The following ICA1 variants were observed in gnomAD, a reference collection of about 807,000 sequenced individuals.
The protein encoded by ICA1 is 69 kDa islet cell autoantigen.
In ICA1, 40 loss-of-function variants were observed where a neutral mutation model predicts 71.0. The observed-to-expected ratio is 0.56, with a 90% CI of 0.44 to 0.73. The LOEUF (loss-of-function observed/expected upper bound fraction) is 0.73. ICA1 is among the 30% of genes least tolerant of loss of function. The pLI is 0.00. For missense variants in ICA1, 578 were observed against 576.5 expected, an observed-to-expected ratio of 1.00 and a Z score of -0.03; for synonymous variants, 207 against 209.5, an observed-to-expected ratio of 0.99 and a Z score of 0.10.
chr7:8,210,590 G>C (rs1793351254), intron 6 of ICA1, among the ~76,000 whole-genome samples: 1 of 151,300 alleles, frequency 6.6e-6, no homozygotes, highest in Non-Finnish European at 1.5e-5. Context: ...GCAAAATTAT[G>C]CTCAAAAGAC....
intron 1 of ICA1, among the ~76,000 whole-genome samples, chr7:8,260,406 C>T (rs1033004196): frequency 2.6e-5 from 4 of 152,172 alleles, no homozygotes; most frequent in African/African-American, 9.7e-5. Context: ...ACAAAATAAA[C>T]CACCCAGGCA....
rs768368359 is a variant in ICA1, at chr7:8,235,970, A to G, written c.-44T>C. The G allele has an allele frequency of 5.6e-6, 9 of 1,602,310 alleles. No individual in the cohort carries two copies. In the Admixed American group the frequency reaches 1.0e-4, roughly 18 times the overall value. On this transcript the variant is annotated 5_prime_UTR_variant, in exon 2 of 14. Coordinates refer to ENST00000402384, the MANE Select transcript of ICA1 (RefSeq NM_001136020.3). ...TGTTGATGATTTGGGGAGAAGGGGC[A>G]GGAAAAAAGCATGAGAGGATAAGTT...
intron 1 of ICA1, among the ~76,000 whole-genome samples, chr7:8,255,939 A>G (rs866123996): frequency 6.6e-6 from 1 of 151,728 alleles, no homozygotes; most frequent in Non-Finnish European, 1.5e-5. Flanking sequence ...ACACCCAGCT[A>G]ATTTTTTAAA....
At chr7:8,212,042 C>T (rs1162387469) in intron 6 of ICA1, among the ~76,000 whole-genome samples, 3 of 152,226 alleles carry the variant, frequency 2.0e-5, no homozygotes, top group South Asian at 4.1e-4. Context: ...TTTGTAAATA[C>T]CAAAGGCTCC....
chr7:8,149,116 C>A (rs943031106), intron 8 of ICA1, among the ~76,000 whole-genome samples: 2 of 152,162 alleles, frequency 1.3e-5, no homozygotes, highest in African/African-American at 4.8e-5. Context: ...ATCTAAGAGG[C>A]CTCTCTGACT....
chr7:8,121,662 A>T (rs986187110), intron 13 of ICA1, among the ~76,000 whole-genome samples: 1 of 152,178 alleles, frequency 6.6e-6, no homozygotes, highest in African/African-American at 2.4e-5. Flanking sequence ...ATATAGTTAG[A>T]TAGAATAAGT....
intron 6 of ICA1, among the ~76,000 whole-genome samples, chr7:8,185,297 T>C (rs1023004450): frequency 6.6e-6 from 1 of 152,234 alleles, no homozygotes; most frequent in Non-Finnish European, 1.5e-5. Context: ...AGCAGACTTA[T>C]GAAACTTTAA....
At chr7:8,236,763 C>G (rs1441564171) in intron 1 of ICA1, 1 of 152,432 alleles carries the variant, frequency 6.6e-6, no homozygotes, top group East Asian at 1.9e-4. Context: ...CTCATGGAAG[C>G]TAGCCCACCC....
chr7:8,224,056 G>A (rs1362470634), intron 4 of ICA1, among the ~76,000 whole-genome samples: 1 of 152,230 alleles, frequency 6.6e-6, no homozygotes, highest in Non-Finnish European at 1.5e-5. Context: ...CACACTTACA[G>A]AGCTTATATT....
At chr7:8,257,399 T>C (rs542999452) in intron 1 of ICA1, among the ~76,000 whole-genome samples, 1 of 152,338 alleles carries the variant, frequency 6.6e-6, no homozygotes, top group East Asian at 1.9e-4. Context: ...AGTGTGATCA[T>C]GATGATGGTA....
intron 1 of ICA1, among the ~76,000 whole-genome samples, chr7:8,246,260 T>G (rs1805971777): frequency 1.3e-5 from 2 of 152,344 alleles, no homozygotes; most frequent in South Asian, 4.1e-4. Flanking sequence ...TGTTTCACAG[T>G]TAAACTGTTT....
intron 6 of ICA1, among the ~76,000 whole-genome samples, chr7:8,180,837 C>CTT (rs571384468): frequency 4.2e-5 from 6 of 143,778 alleles, no homozygotes; most frequent in Admixed American, 2.1e-4. Context: ...GTCTCTCTCT[C>CTT]TTTTTTTTTT....
At chr7:8,191,853 T>C (rs557568148) in intron 6 of ICA1, among the ~76,000 whole-genome samples, 1 of 152,244 alleles carries the variant, frequency 6.6e-6, no homozygotes, top group Admixed American at 6.5e-5. Flanking sequence ...GTATTAAAAT[T>C]CAAATCACAA....
rs189631416 is a variant in ICA1, at chr7:8,203,314, T to A, written c.579+14991A>T. ...TCCAGTGGTTTAAGTGACTTTTCCA[T>A]GTAGGTAAAGCATATTCTATTAAAA... is the stretch of plus-strand genomic sequence containing the variant. On this transcript the variant is annotated intron_variant, in intron 6 of 13. Transcript: ENST00000402384. 4.1e-4 allele frequency among the ~76,000 whole-genome samples: 62 copies of A among 152,270 alleles called. No homozygotes were observed. The East Asian group carries it at 9.8e-3, about 24-fold the overall frequency.
intron 4 of ICA1, chr7:8,227,605 C>CTTTTTT: frequency 2.6e-5 from 8 of 311,898 alleles, no homozygotes; most frequent in East Asian, 2.0e-4. Flanking sequence ...AAGTAGTTGT[C>CTTTTTT]TTTTTTTTTT....
chr7:8,210,903 G>A (rs1793550869), intron 6 of ICA1, among the ~76,000 whole-genome samples: 1 of 152,084 alleles, frequency 6.6e-6, no homozygotes, highest in South Asian at 2.1e-4. Flanking sequence ...AAATGTTCAA[G>A]GGATCCCAGG....
intron 12 of ICA1, among the ~76,000 whole-genome samples, chr7:8,131,578 A>G (rs79408265): frequency 0.076 from 11,647 of 152,260 alleles, 616 homozygotes; most frequent in South Asian, 0.15. Context: ...TTCTCTTTTA[A>G]GAGAACTTAC....
chr7:8,232,817 T>C, intron 2 of ICA1, 62 bp from the exon 3 acceptor site: 1 of 1,361,598 alleles, frequency 7.3e-7, no homozygotes, highest in Non-Finnish European at 9.8e-7. Flanking sequence ...TATTTTAGTG[T>C]GAAATGATTT....
At chr7:8,249,359 G>C (rs938164412) in intron 1 of ICA1, among the ~76,000 whole-genome samples, 10 of 152,232 alleles carry the variant, frequency 6.6e-5, no homozygotes, top group African/African-American at 2.4e-4. Context: ...ACTGCCAGTG[G>C]TGTGTGTAAC....
Sources: allele counts gnomAD v4.1 joint callset (sites outside exome capture counted in the v4.1 genomes callset), GRCh38; gene constraint gnomAD v4.1.1; transcripts MANE v1.5; gene names NCBI Gene and HGNC (gene_info 2026-07-23, HGNC 2026-07-21).